The following PTPRG variants were observed in gnomAD, a reference collection of about 807,000 sequenced individuals.
PTPRG encodes the protein receptor-type tyrosine-protein phosphatase gamma.
In PTPRG, 102 loss-of-function variants were observed where a neutral mutation model predicts 165.3. The ratio of observed to expected loss-of-function variants is 0.62; its 90% confidence interval spans 0.53 to 0.73. PTPRG has a LOEUF of 0.73. PTPRG is among the 30% of genes least tolerant of loss of function. The pLI, the probability that PTPRG is intolerant of heterozygous loss-of-function variation, is 0.00. For synonymous variants in PTPRG, 675 were observed against 669.5 expected, an observed-to-expected ratio of 1.01 and a Z score of -0.13; for missense variants, 1,866 against 1,861.4, an observed-to-expected ratio of 1.00 and a Z score of -0.05.
In PTPRG at chr3:62,195,016, T is replaced by G; in HGVS notation, c.1219-46T>G. ...TTGGCTTTAGAATGCAAAGTGTGCC[T>G]TGGCCTTCAAAACTAACTCACTGCT... is the stretch of plus-strand genomic sequence containing the variant. On this transcript the variant is annotated intron_variant, in intron 9 of 29. Coordinates refer to ENST00000474889, the MANE Select transcript of PTPRG (RefSeq NM_002841.4). The surrounding 1 kb of genome is among the most constrained non-coding windows in gnomAD (Gnocchi z 4.4). The G allele has an allele frequency of 6.3e-7, 1 of 1,576,062 alleles. No homozygotes were observed. The highest frequency in any genetic ancestry group is 1.3e-5 in the African/African-American group (1 of 74,136).
intron 5 of PTPRG, among the ~76,000 whole-genome samples, chr3:62,092,806 A>T (rs1367338280): frequency 6.6e-6 from 1 of 152,188 alleles, no homozygotes; most frequent in Non-Finnish European, 1.5e-5. Flanking sequence ...TATAATTTAA[A>T]CAATAGCATG....
At chr3:61,726,312 G>A (rs1220537050) in intron 1 of PTPRG, among the ~76,000 whole-genome samples, 1 of 152,038 alleles carries the variant, frequency 6.6e-6, no homozygotes, top group African/African-American at 2.4e-5. Context: ...TTTATGACTT[G>A]GTGGGATCCT....
chr3:61,725,887 C>T (rs142201114), intron 1 of PTPRG, among the ~76,000 whole-genome samples: 1 of 152,218 alleles, frequency 6.6e-6, no homozygotes, highest in East Asian at 1.9e-4. Context: ...TAAGTCAGAT[C>T]GAGAGAACAA....
chr3:61,720,590 T>C (rs2032005589), intron 1 of PTPRG, among the ~76,000 whole-genome samples: 1 of 152,148 alleles, frequency 6.6e-6, no homozygotes, highest in South Asian at 2.1e-4. Context: ...GCTCCCCTCT[T>C]CCCACTTCAA....
intron 2 of PTPRG, among the ~76,000 whole-genome samples, chr3:61,961,693 G>A (rs938946818): frequency 9.9e-5 from 15 of 152,140 alleles, no homozygotes; most frequent in Non-Finnish European, 1.9e-4. Flanking sequence ...GTCTCAACCA[G>A]ACACTAGAAC....
At chr3:62,105,173 G>A (rs1446185613) in intron 5 of PTPRG, among the ~76,000 whole-genome samples, 1 of 152,144 alleles carries the variant, frequency 6.6e-6, no homozygotes, top group Non-Finnish European at 1.5e-5. Context: ...TGAAACAGTT[G>A]TTCATAGATA....
chr3:62,016,588 C>G (rs1027086893), intron 4 of PTPRG, among the ~76,000 whole-genome samples: 3 of 152,228 alleles, frequency 2.0e-5, no homozygotes, highest in Non-Finnish European at 4.4e-5. Flanking sequence ...CCATTTCTGA[C>G]TTCAGTCATT....
chr3:61,875,357 T>A (rs1290170403), intron 2 of PTPRG, among the ~76,000 whole-genome samples: 1 of 150,556 alleles, frequency 6.6e-6, no homozygotes, highest in Non-Finnish European at 1.5e-5. Flanking sequence ...AGTACTTGAT[T>A]CCATCTGCAA....
chr3:62,134,423 T>C (rs200345815), intron 6 of PTPRG, among the ~76,000 whole-genome samples: 1 of 152,154 alleles, frequency 6.6e-6, no homozygotes, highest in African/African-American at 2.4e-5. Context: ...TGCCTTCCTC[T>C]CCCGCCAGTC....
At chr3:61,910,840 A>G (rs1433825196) in intron 2 of PTPRG, among the ~76,000 whole-genome samples, 1 of 152,220 alleles carries the variant, frequency 6.6e-6, no homozygotes, top group Non-Finnish European at 1.5e-5. Context: ...TAAAACTGTC[A>G]GGGGCTTCCC....
chr3:62,293,179 T>C lies in PTPRG; in HGVS notation c.4210T>C (p.Tyr1404His). 6.3e-7 allele frequency: 1 copy of C among 1,598,360 alleles called. No individual in the cohort carries two copies. Among genetic ancestry groups the C allele is most frequent in the Non-Finnish European group, 8.5e-7 (1 of 1,175,078 alleles). Residue 1404 changes from tyrosine (Y) to histidine (H), a missense_variant, in exon 30 of 30, where the codon TAT (tyrosine) becomes CAT (histidine). Tyr to His is a moderately conservative substitution (Grantham distance 83). Coordinates refer to ENST00000474889, the MANE Select transcript of PTPRG (RefSeq NM_002841.4). ...TTTTCAGGAACAATACCAGTTCATC[T>C]ATAAAGCAATGCTTAGCTTGGTCAG... ...FTDIEQYQFI[Y>H]KAMLSLVSTK...
chr3:62,265,896 TACACAC>T (rs143246257), intron 17 of PTPRG, among the ~76,000 whole-genome samples: 17 of 130,610 alleles, frequency 1.3e-4, no homozygotes, highest in African/African-American at 3.8e-4. Flanking sequence ...GTGCCTTATA[TACACAC>T]ACACACACAC....
intron 2 of PTPRG, among the ~76,000 whole-genome samples, chr3:61,910,339 T>C (rs1024094550): frequency 6.6e-6 from 1 of 152,208 alleles, no homozygotes; most frequent in Non-Finnish European, 1.5e-5. Context: ...CTACTGTTGC[T>C]CTGCACCATC....
chr3:61,715,839 C>T (rs1457853758), intron 1 of PTPRG, among the ~76,000 whole-genome samples: 1 of 151,166 alleles, frequency 6.6e-6, no homozygotes, highest in Non-Finnish European at 1.5e-5. Flanking sequence ...AGGGTACATA[C>T]TAGTTTACCA....
At chr3:61,697,692 C>T (rs1025611191) in intron 1 of PTPRG, among the ~76,000 whole-genome samples, 1 of 152,188 alleles carries the variant, frequency 6.6e-6, no homozygotes. Context: ...TATTGTCTGT[C>T]CTTTGGGCTC....
intron 2 of PTPRG, among the ~76,000 whole-genome samples, chr3:61,985,894 TG>T (rs1206992008): frequency 6.6e-6 from 1 of 152,218 alleles, no homozygotes; most frequent in Non-Finnish European, 1.5e-5. Flanking sequence ...GATTCTTTCA[TG>T]GACATCTCAT....
chr3:61,923,688 T>C (rs958873991), intron 2 of PTPRG, among the ~76,000 whole-genome samples: 1 of 139,836 alleles, frequency 7.2e-6, no homozygotes, highest in African/African-American at 2.8e-5. Flanking sequence ...AGTTTATTTT[T>C]TGTATTTTTT....
At chr3:62,012,764 G>A (rs532768968) in intron 4 of PTPRG, among the ~76,000 whole-genome samples, 1 of 152,170 alleles carries the variant, frequency 6.6e-6, no homozygotes, top group African/African-American at 2.4e-5. Context: ...TTAAGATTTG[G>A]GATGCTCAAT....
intron 6 of PTPRG, among the ~76,000 whole-genome samples, chr3:62,138,183 A>T (rs1703787008): frequency 6.6e-6 from 1 of 152,190 alleles, no homozygotes; most frequent in South Asian, 2.1e-4. Context: ...AATTGCTTGA[A>T]TTTGCTTTTT....
Sources: allele counts gnomAD v4.1 joint callset (sites outside exome capture counted in the v4.1 genomes callset), GRCh38; gene constraint gnomAD v4.1.1; non-coding constraint Gnocchi (gnomAD v3.1); transcripts MANE v1.5; gene names NCBI Gene and HGNC (gene_info 2026-07-23, HGNC 2026-07-21).